Variants in SLC9A9 observed in about 807,000 individuals in gnomAD.
SLC9A9 encodes the protein solute carrier family 9 member A9, also known as sodium/hydrogen exchanger 9.
Under a neutral mutation model 77.8 loss-of-function variants are expected in SLC9A9, and 62 were observed. That is an observed-to-expected ratio of 0.80 (90% confidence interval 0.65 to 0.98). The LOEUF (loss-of-function observed/expected upper bound fraction) is 0.98, where lower values mean the gene tolerates loss of function less well. Among genes scored for constraint, SLC9A9 ranks in the 50% least tolerant of loss-of-function variants. The probability of loss-of-function intolerance (pLI) is 0.00; values close to 1 mark genes in which losing one functional copy is unlikely to be tolerated. For missense variants in SLC9A9, 775 were observed against 774.9 expected, an observed-to-expected ratio of 1.00 and a Z score of 0.00; for synonymous variants, 320 against 283.5, an observed-to-expected ratio of 1.13 and a Z score of -1.29.
At chr3:143,581,768 C>T (rs556622017) in intron 6 of SLC9A9, among the ~76,000 whole-genome samples, 3 of 152,196 alleles carry the variant, frequency 2.0e-5, no homozygotes, top group East Asian at 3.9e-4. Flanking sequence ...TTTTCATGCC[C>T]GGGATGGAAC....
At chr3:143,398,721 T>C (rs906752439) in intron 12 of SLC9A9, among the ~76,000 whole-genome samples, 8 of 152,176 alleles carry the variant, frequency 5.3e-5, no homozygotes, top group African/African-American at 1.7e-4. Flanking sequence ...TTATTAACCA[T>C]GTGCACTGAA....
At chr3:143,375,701 T>C (rs777466462) in intron 13 of SLC9A9, among the ~76,000 whole-genome samples, 3 of 152,216 alleles carry the variant, frequency 2.0e-5, no homozygotes, top group African/African-American at 4.8e-5. Context: ...ACCCTAGATA[T>C]ATGAACAAGT....
chr3:143,310,387 TC>T (rs2030970824), intron 14 of SLC9A9, among the ~76,000 whole-genome samples: 1 of 152,174 alleles, frequency 6.6e-6, no homozygotes, highest in Admixed American at 6.5e-5. Flanking sequence ...GGTAATAATC[TC>T]CTTTCTAGAA....
At chr3:143,599,548 C>T (rs778387040) in intron 6 of SLC9A9, among the ~76,000 whole-genome samples, 1 of 151,930 alleles carries the variant, frequency 6.6e-6, no homozygotes, top group Non-Finnish European at 1.5e-5. Context: ...CAACAATTGC[C>T]TGTGTTTGAT....
chr3:143,577,255 C>T (rs1481147207), intron 7 of SLC9A9, among the ~76,000 whole-genome samples: 2 of 152,200 alleles, frequency 1.3e-5, no homozygotes, highest in African/African-American at 2.4e-5. Flanking sequence ...TGAGTCCCCT[C>T]ATCCTCCATT....
rs748024076 is a variant in SLC9A9 at position 143,693,308 on chromosome 3, C to G, written c.534-1G>C. The G allele has an allele frequency of 1.2e-6, 2 of 1,610,118 alleles. No individual in the cohort carries two copies. The highest frequency in any genetic ancestry group is 2.2e-5 in the South Asian group (2 of 91,004). ...CTTCACAAAACCATACATAATTAAC[C>G]TGTTGAAGAGAAAAACATGACCTTC... On this transcript the variant is annotated splice_acceptor_variant, in intron 4 of 15. Transcript: ENST00000316549. LOFTEE classifies it high-confidence loss of function.
intron 14 of SLC9A9, among the ~76,000 whole-genome samples, chr3:143,336,440 G>A (rs962350026): frequency 6.6e-6 from 1 of 152,062 alleles, no homozygotes; most frequent in Non-Finnish European, 1.5e-5. Flanking sequence ...TTTGCACACC[G>A]GTGTTCACGG....
intron 14 of SLC9A9, among the ~76,000 whole-genome samples, chr3:143,270,781 A>AGTAAAAT: frequency 6.6e-6 from 1 of 152,350 alleles, no homozygotes; most frequent in South Asian, 2.1e-4. Context: ...ATGTTACAAA[A>AGTAAAAT]GTAAAATATA....
At chr3:143,449,786 T>C (rs1275806550) in intron 12 of SLC9A9, among the ~76,000 whole-genome samples, 1 of 85,862 alleles carries the variant, frequency 1.2e-5, no homozygotes, top group African/African-American at 5.0e-5. Flanking sequence ...TATTTATATA[T>C]AATTATATAT....
At chr3:143,748,351 C>A (rs1935248017) in intron 4 of SLC9A9, among the ~76,000 whole-genome samples, 1 of 152,192 alleles carries the variant, frequency 6.6e-6, no homozygotes, top group Non-Finnish European at 1.5e-5. Flanking sequence ...CAAATTGCAA[C>A]CCAGTAAATC....
intron 12 of SLC9A9, among the ~76,000 whole-genome samples, chr3:143,458,786 T>G (rs2108562453): frequency 6.6e-6 from 1 of 152,254 alleles, no homozygotes; most frequent in South Asian, 2.1e-4. Context: ...CATACATATT[T>G]TTAAAACCTT....
intron 12 of SLC9A9, among the ~76,000 whole-genome samples, chr3:143,409,316 T>A (rs918670104): frequency 3.3e-5 from 5 of 152,226 alleles, no homozygotes; most frequent in Non-Finnish European, 7.3e-5. Flanking sequence ...GTTTTTGGGA[T>A]AATGCACAGA....
chr3:143,423,471 A>G (rs1041263580), intron 12 of SLC9A9, among the ~76,000 whole-genome samples: 7 of 152,180 alleles, frequency 4.6e-5, no homozygotes, highest in African/African-American at 1.2e-4. Flanking sequence ...ATCTCATTGC[A>G]CCAATTAACA....
intron 14 of SLC9A9, among the ~76,000 whole-genome samples, chr3:143,315,839 G>A (rs772908866): frequency 5.3e-5 from 8 of 152,190 alleles, no homozygotes; most frequent in Non-Finnish European, 7.4e-5. Context: ...ATGGTGGCAC[G>A]AACACAATCC....
chr3:143,683,654 T>G (rs62267161), intron 5 of SLC9A9, among the ~76,000 whole-genome samples: 1 of 151,924 alleles, frequency 6.6e-6, no homozygotes, highest in Non-Finnish European at 1.5e-5. Flanking sequence ...GTCCTTCATC[T>G]TAGAGATGGG....
At chr3:143,817,971 T>C (rs577725957) in intron 2 of SLC9A9, among the ~76,000 whole-genome samples, 4 of 152,194 alleles carry the variant, frequency 2.6e-5, no homozygotes, top group Non-Finnish European at 5.9e-5. Flanking sequence ...GCTTAGGTTA[T>C]GATAATAAGT....
intron 13 of SLC9A9, among the ~76,000 whole-genome samples, chr3:143,374,132 A>G (rs962502327): frequency 6.6e-6 from 1 of 152,166 alleles, no homozygotes; most frequent in Non-Finnish European, 1.5e-5. Flanking sequence ...ATCAGAAAAA[A>G]TGGAGGCCAG....
At chr3:143,334,454 A>C (rs1222045702) in intron 14 of SLC9A9, among the ~76,000 whole-genome samples, 2 of 152,238 alleles carry the variant, frequency 1.3e-5, no homozygotes, top group Non-Finnish European at 1.5e-5. Context: ...TGGAGGGACT[A>C]TCTCATAATG....
chr3:143,510,297 G>A (rs2036094605), intron 9 of SLC9A9, among the ~76,000 whole-genome samples: 1 of 152,140 alleles, frequency 6.6e-6, no homozygotes, highest in Non-Finnish European at 1.5e-5. Context: ...TGATATATTT[G>A]TGGTGTACTT....
Sources: gnomAD v4.1 joint callset for allele counts (sites outside exome capture counted in the v4.1 genomes callset) on GRCh38, gnomAD v4.1.1 for gene constraint, MANE v1.5 for transcripts, NCBI Gene and HGNC (gene_info 2026-07-23, HGNC 2026-07-21) for gene names.